The following POP1 variants were observed in gnomAD, a reference collection of about 807,000 sequenced individuals.
The protein encoded by POP1 is POP1 ribonuclease P/MRP subunit.
In POP1, 75 loss-of-function variants were observed where a neutral mutation model predicts 102.2. That is an observed-to-expected ratio of 0.73 (90% CI 0.61 to 0.89). POP1 has a LOEUF of 0.89. Ranked by LOEUF, POP1 falls within the 40% of genes least tolerant of loss-of-function variation. POP1 has a pLI of 0.00. For synonymous variants in POP1, 436 were observed against 464.1 expected, an observed-to-expected ratio of 0.94 and a Z score of 0.78; for missense variants, 1,116 against 1,267.4, an observed-to-expected ratio of 0.88 and a Z score of 1.81.
chr8:98,137,466 C>T (rs1482605293), intron 9 of POP1, among the ~76,000 whole-genome samples: 1 of 152,042 alleles, frequency 6.6e-6, no homozygotes, highest in Non-Finnish European at 1.5e-5. Flanking sequence ...CCAGGCCCAG[C>T]TAGTAGAGAC....
At chr8:98,140,246 T>A in intron 10 of POP1, 57 bp downstream of exon 10, 1 of 1,429,088 alleles carries the variant, frequency 7.0e-7, no homozygotes. Flanking sequence ...AAAGAGCCTT[T>A]TGCAGTTGGG....
chr8:98,124,297 C>T (rs979316494), intron 2 of POP1, among the ~76,000 whole-genome samples: 1 of 152,148 alleles, frequency 6.6e-6, no homozygotes, highest in African/African-American at 2.4e-5. Context: ...GGCGGTGGCT[C>T]ACACCTGTAA....
chr8:98,155,795 C>T (rs187420152), intron 14 of POP1, among the ~76,000 whole-genome samples: 77 of 151,974 alleles, frequency 5.1e-4, no homozygotes, highest in Admixed American at 2.9e-3. Flanking sequence ...AGGCTGGTCT[C>T]GAACTCCTGA....
In POP1 at chr8:98,127,638, C is replaced by A; in HGVS notation, c.186C>A (p.Asn62Lys). 6.2e-7 allele frequency: 1 copy of A among 1,614,154 alleles called. No homozygotes were observed. Among genetic ancestry groups the A allele is most frequent in the Non-Finnish European group, 8.5e-7 (1 of 1,180,022 alleles). ...CACGACAGCGGCAAACCAGAGTCAA[C>A]CCCCATTCTCTGCCTGACCCTGAAG... Reference protein sequence around the residue: ...GTSRQRQTRVNPHSLPDPEVN... With the variant: ...GTSRQRQTRVKPHSLPDPEVN... The change falls in exon 3 of 16, where the codon AAC becomes AAA. Residue 62 changes from asparagine (N) to lysine (K), a missense_variant. By Grantham distance (94) the Asn-to-Lys change is moderately conservative. Coordinates refer to ENST00000401707, the MANE Select transcript of POP1 (RefSeq NM_001145860.2).
chr8:98,128,604 G>C, intron 4 of POP1, 64 bp downstream of exon 4: 1 of 1,550,478 alleles, frequency 6.4e-7, no homozygotes, highest in Non-Finnish European at 8.9e-7. Flanking sequence ...GAGAAGTATT[G>C]ACCTAATAGA....
intron 11 of POP1, among the ~76,000 whole-genome samples, chr8:98,145,712 C>A (rs974611410): frequency 6.6e-6 from 1 of 152,052 alleles, no homozygotes; most frequent in Non-Finnish European, 1.5e-5. Flanking sequence ...TTAAGACCAG[C>A]CTAGCCAACA....
intron 2 of POP1, among the ~76,000 whole-genome samples, chr8:98,126,012 ATTTTTTT>A (rs769926677): frequency 2.1e-5 from 3 of 140,592 alleles, no homozygotes; most frequent in Admixed American, 7.2e-5. Context: ...TGCCCAGCAA[ATTTTTTT>A]TTTTTTTTTT....
chr8:98,136,123 C>T (rs1287236245), intron 7 of POP1, among the ~76,000 whole-genome samples: 2 of 151,202 alleles, frequency 1.3e-5, no homozygotes, highest in South Asian at 2.1e-4. Flanking sequence ...CTCTGTTGCC[C>T]GGGCTGGAGT....
Position 98,133,999 on chromosome 8 carries a change from A to G in POP1, c.786A>G (p.Ile262Met), listed in dbSNP as rs747757152. The change falls in exon 6 of 16, where the codon ATA becomes ATG. Residue 262 changes from isoleucine to methionine, a missense_variant. Coordinates refer to ENST00000401707, the MANE Select transcript of POP1 (RefSeq NM_001145860.2). ...CLELKGKEEE[I>M]LKALSGMCNI... The stretch of plus-strand genomic sequence containing the variant: ...AGTTGAAAGGCAAAGAGGAAGAAAT[A>G]CTAAAGGCGCTTTCTGGAATGTGTA... 6 of 1,613,434 alleles carry G rather than the reference A, an allele frequency of 3.7e-6. No individual in the cohort carries two copies. Among genetic ancestry groups the G allele is most frequent in the Non-Finnish European group, 5.1e-6 (6 of 1,179,466 alleles).
rs117351645 is a variant in POP1, at chr8:98,139,535, C to T, written c.1363-543C>T. On this transcript the variant is annotated intron_variant, in intron 9 of 15. Transcript: ENST00000401707. The stretch of plus-strand genomic sequence containing the variant: ...CAGGAATTCAAGACCAGCCTGGGCA[C>T]CATAGTGAGACCATATATCTACAAA... Among the ~76,000 whole-genome samples the T allele has an allele frequency of 5.8e-3, 877 of 152,052 alleles. 9 individuals carry two copies. The highest frequency in any genetic ancestry group is 0.036 in the South Asian group (176 of 4,822).
Position 98,136,949 on chromosome 8 carries a change from C to T in POP1, c.1357C>T (p.His453Tyr), listed in dbSNP as rs1307112477. The T allele has an allele frequency of 6.3e-7, 1 of 1,599,726 alleles. No homozygotes were observed. The highest frequency in any genetic ancestry group is 1.1e-5 in the South Asian group (1 of 90,772). Residue 453 changes from histidine to tyrosine, a missense_variant, in exon 9 of 16, where the codon CAC (histidine) becomes TAC (tyrosine). Coordinates refer to ENST00000401707, the MANE Select transcript of POP1 (RefSeq NM_001145860.2). ...LTEAIKAASVHTVGEDTEETP... is the reference protein window; with the variant it reads ...LTEAIKAASVYTVGEDTEETP... ...TGAAGCAATAAAAGCTGCTTCTGTC[C>T]ACACTGTAAGAGTAAAAGTGACTGT...
intron 11 of POP1, among the ~76,000 whole-genome samples, chr8:98,143,993 A>G (rs1285977022): frequency 6.8e-6 from 1 of 146,774 alleles, no homozygotes; most frequent in East Asian, 2.0e-4. Flanking sequence ...GTCTCTACTA[A>G]AAAAAAAAAA....
intron 2 of POP1, among the ~76,000 whole-genome samples, chr8:98,126,676 C>T (rs1816216451): frequency 6.6e-6 from 1 of 152,184 alleles, no homozygotes; most frequent in Non-Finnish European, 1.5e-5. Flanking sequence ...ACAGATTGTC[C>T]ACAGGGTGGC....
chr8:98,158,082 T>C lies in POP1; in HGVS notation c.2886T>C (p.Thr962=). The C allele has an allele frequency of 6.2e-7, 1 of 1,605,368 alleles. No homozygotes were observed. The highest frequency in any genetic ancestry group is 8.5e-7 in the Non-Finnish European group (1 of 1,176,610). ...GTGTGACGTTGCACTGCTCCAGAACTCTCCTAGGCTTTGTGACTCAGGGAG... is the reference window on the plus strand; with the variant it reads ...GTGTGACGTTGCACTGCTCCAGAACCCTCCTAGGCTTTGTGACTCAGGGAG... ...LPRVTLHCSR[T]LLGFVTQGDF... The change falls in exon 16 of 16, where the codon ACT becomes ACC. Residue 962 remains threonine, a synonymous_variant. Transcript: ENST00000401707.
At chr8:98,127,401 G>C (rs907853661) in intron 2 of POP1, among the ~76,000 whole-genome samples, 194 bp from the exon 3 acceptor site, 3 of 152,122 alleles carry the variant, frequency 2.0e-5, no homozygotes, top group African/African-American at 7.2e-5. Flanking sequence ...CTACCTACTA[G>C]CTTTGTGACC....
rs766975342 is a variant in POP1 at position 98,150,586 on chromosome 8, C to T, written c.2004C>T (p.Ala668=). ...CAGGCGATTTTCCAGACTGCCCTGC[C>T]GGGATGCTGTTTGCGGAAGAGCAAG... ...NVPGDFPDCP[A]GMLFAEEQAK... is the part of the protein sequence containing the mutation. The change falls in exon 14 of 16, where the codon GCC becomes GCT. Residue 668 remains alanine (A), a synonymous_variant. Coordinates refer to ENST00000401707, the MANE Select transcript of POP1 (RefSeq NM_001145860.2). 1.4e-5 allele frequency: 22 copies of T among 1,613,978 alleles called. No homozygotes were observed. The East Asian group carries it at 2.2e-4, about 16-fold the overall frequency.
intron 15 of POP1, among the ~76,000 whole-genome samples, 192 bp downstream of exon 15, chr8:98,156,604 G>A (rs998603110): frequency 3.3e-5 from 5 of 152,158 alleles, no homozygotes; most frequent in African/African-American, 1.2e-4. Flanking sequence ...TTGATGTAAG[G>A]CATGATGCTA....
chr8:98,121,860 T>A (rs112416669), intron 1 of POP1, among the ~76,000 whole-genome samples: 7,699 of 151,884 alleles, frequency 0.051, 690 homozygotes, highest in African/African-American at 0.17. Context: ...TTTTTTTGTA[T>A]TTTTTTAGTA....
chr8:98,147,646 A>T lies in POP1; in HGVS notation c.1710+963A>T, dbSNP rs75849669. Among the ~76,000 whole-genome samples, 139 of 152,176 alleles carry T rather than the reference A, an allele frequency of 9.1e-4. No homozygotes were observed. The East Asian group carries it at 0.018, about 20-fold the overall frequency. On this transcript the variant is annotated intron_variant, in intron 12 of 15. Coordinates refer to ENST00000401707, the MANE Select transcript of POP1 (RefSeq NM_001145860.2). ...TTGGATGGCCTTAAAAAGACCCTTG[A>T]AATATTCTAGGTATGACATAATGGG...
Sources: gnomAD v4.1 joint callset for allele counts (sites outside exome capture counted in the v4.1 genomes callset) on GRCh38, gnomAD v4.1.1 for gene constraint, MANE v1.5 for transcripts, NCBI Gene and HGNC (gene_info 2026-07-23, HGNC 2026-07-21) for gene names.